Variants in CHSY3 observed in about 807,000 individuals in gnomAD.
CHSY3 encodes the protein N-acetylgalactosaminyl-proteoglycan 3-beta-glucuronosyltransferase 3.
Under a neutral mutation model 67.2 loss-of-function variants are expected in CHSY3, and 35 were observed. The ratio of observed to expected loss-of-function variants is 0.52; its 90% CI spans 0.40 to 0.69. The LOEUF is 0.69. CHSY3 is among the 30% of genes least tolerant of loss of function. CHSY3 has a pLI of 0.00. For synonymous variants in CHSY3, 474 were observed against 434.7 expected (o/e 1.09, Z -1.12); for missense variants, 1,069 against 1,138.5 (o/e 0.94, Z 0.88).
At chr5:129,993,826 C>A (rs2149632464) in intron 2 of CHSY3, among the ~76,000 whole-genome samples, 1 of 151,564 alleles carries the variant, frequency 6.6e-6, no homozygotes, top group South Asian at 2.1e-4. Flanking sequence ...TACAATTTGG[C>A]ATGTTTTTGC....
intron 2 of CHSY3, among the ~76,000 whole-genome samples, chr5:130,023,418 C>T (rs1316148938): frequency 6.6e-6 from 1 of 151,810 alleles, no homozygotes; most frequent in African/African-American, 2.4e-5. Context: ...GGTCAGTTTC[C>T]CAGCTTGCCT....
chr5:130,136,238 C>T (rs1185053648), intron 2 of CHSY3, among the ~76,000 whole-genome samples: 8 of 152,026 alleles, frequency 5.3e-5, no homozygotes, highest in Admixed American at 1.3e-4. Context: ...GAGTGGTTGC[C>T]AGAGGTAGAG....
intron 2 of CHSY3, among the ~76,000 whole-genome samples, chr5:130,067,159 C>G (rs1580700982): frequency 6.6e-6 from 1 of 152,124 alleles, no homozygotes; most frequent in Non-Finnish European, 1.5e-5. Context: ...ACAATTAGGA[C>G]TTTCCAATAA....
chr5:130,007,072 C>G (rs1234477237), intron 2 of CHSY3, among the ~76,000 whole-genome samples: 1 of 152,150 alleles, frequency 6.6e-6, no homozygotes, highest in Non-Finnish European at 1.5e-5. Context: ...TTGAGTAATA[C>G]AATGAAATTT....
Position 130,027,871 on chromosome 5 carries a change from T to C in CHSY3, c.1086+119511T>C, listed in dbSNP as rs572545703. Among the ~76,000 whole-genome samples, 4 of 152,304 alleles carry C rather than the reference T, an allele frequency of 2.6e-5. No homozygotes were observed. In the East Asian group the frequency reaches 7.7e-4, roughly 29 times the overall value. ...CACATTTTCTTAATCCAGTCTATCA[T>C]TGATGGACATTTGGGTTGGTTCCAA... is the stretch of plus-strand genomic sequence containing the variant. On this transcript the variant is annotated intron_variant, in intron 2 of 2. Transcript: ENST00000305031.
chr5:129,934,949 T>A (rs1316959056), intron 2 of CHSY3, among the ~76,000 whole-genome samples: 2 of 152,076 alleles, frequency 1.3e-5, no homozygotes, highest in Non-Finnish European at 2.9e-5. Context: ...AAATAGAAAC[T>A]CTACACTCAC....
chr5:130,019,442 A>G (rs1032014807), intron 2 of CHSY3, among the ~76,000 whole-genome samples: 12 of 151,944 alleles, frequency 7.9e-5, no homozygotes, highest in African/African-American at 1.9e-4. Flanking sequence ...ACCACCACCA[A>G]TTATTTATGT....
chr5:130,020,023 AG>A (rs1230873075), intron 2 of CHSY3, among the ~76,000 whole-genome samples: 1 of 152,146 alleles, frequency 6.6e-6, no homozygotes, highest in Non-Finnish European at 1.5e-5. Flanking sequence ...TACTTTCATG[AG>A]TTATTGACAT....
chr5:130,184,982 G>A lies in CHSY3; in HGVS notation c.1840G>A (p.Gly614Arg), dbSNP rs1250822278. The change falls in exon 3 of 3, where the codon GGA (glycine) becomes AGA (arginine). Residue 614 changes from glycine to arginine, a missense_variant. Coordinates refer to ENST00000305031, the MANE Select transcript of CHSY3 (RefSeq NM_175856.5). ...TTCTTTTCAAGGTGCCAAAGAAATG[G>A]GAGGGCACAATGAAAAGAAAGTACA... Reference protein sequence around the residue: ...LSSFQGAKEMGGHNEKKVHIL... With the variant: ...LSSFQGAKEMRGHNEKKVHIL... 1 of 1,557,698 alleles carries A rather than the reference G, an allele frequency of 6.4e-7. No individual in the cohort carries two copies. Among genetic ancestry groups the A allele is most frequent in the Non-Finnish European group, 8.9e-7 (1 of 1,128,892 alleles).
chr5:129,942,201 G>A (rs913936009), intron 2 of CHSY3, among the ~76,000 whole-genome samples: 1 of 152,124 alleles, frequency 6.6e-6, no homozygotes, highest in African/African-American at 2.4e-5. Context: ...CCTGAAGCCT[G>A]TGACACCCAA....
At chr5:130,031,847 T>A (rs1764711628) in intron 2 of CHSY3, among the ~76,000 whole-genome samples, 2 of 152,128 alleles carry the variant, frequency 1.3e-5, no homozygotes, top group Non-Finnish European at 2.9e-5. Context: ...TATTTTCAGT[T>A]TTAAAAATAA....
intron 2 of CHSY3, chr5:129,974,946 C>T (rs1441129457): frequency 6.6e-6 from 1 of 151,980 alleles, no homozygotes; most frequent in African/African-American, 2.4e-5. Context: ...TGGAAGAGGC[C>T]CTTGGGCCTG....
Position 129,905,253 on chromosome 5 carries a change from G to C in CHSY3, c.424G>C (p.Ala142Pro). 1 of 1,457,418 alleles carries C rather than the reference G, an allele frequency of 6.9e-7. No homozygotes were observed. Among genetic ancestry groups the C allele is most frequent in the Non-Finnish European group, 9.0e-7 (1 of 1,107,538 alleles). The allele number at this position is 1,457,418 out of a possible 1,614,324, so 90.3% of individuals were successfully genotyped here. Reference sequence around the variant, plus strand: ...GCCCGAGGAGGAGGACGGGGGCGCGGCTGGGCAGCGGAGAGACGGCCGGCC... The same window carrying C: ...GCCCGAGGAGGAGGACGGGGGCGCGCCTGGGCAGCGGAGAGACGGCCGGCC... Reference protein sequence around the residue: ...GEPEEEDGGAAGQRRDGRPGS... With the variant: ...GEPEEEDGGAPGQRRDGRPGS... The change falls in exon 1 of 3, where the codon GCT becomes CCT. Residue 142 changes from alanine to proline, a missense_variant. Ala to Pro is a conservative substitution (Grantham distance 27). Around this residue, in one of 5 missense-constraint regions of CHSY3, gnomAD observed 309 missense variants for 262.5 expected, o/e 1.18. Coordinates refer to ENST00000305031, the MANE Select transcript of CHSY3 (RefSeq NM_175856.5).
intron 2 of CHSY3, among the ~76,000 whole-genome samples, chr5:130,020,453 A>T (rs1381300328): frequency 2.3e-3 from 18 of 7,918 alleles, no homozygotes; most frequent in African/African-American, 3.2e-3. Flanking sequence ...ATATATATAT[A>T]TATATATATT....
chr5:129,970,334 G>T (rs965433582), intron 2 of CHSY3, among the ~76,000 whole-genome samples: 1 of 151,590 alleles, frequency 6.6e-6, no homozygotes, highest in Non-Finnish European at 1.5e-5. Context: ...TTATTTGTTC[G>T]ACTTTAGGGA....
intron 2 of CHSY3, among the ~76,000 whole-genome samples, chr5:129,912,746 C>T (rs1338960298): frequency 6.6e-6 from 1 of 152,160 alleles, no homozygotes; most frequent in African/African-American, 2.4e-5. Flanking sequence ...CATGGTCTGA[C>T]CTGTTCAGAA....
At chr5:129,945,912 T>A (rs183582860) in intron 2 of CHSY3, among the ~76,000 whole-genome samples, 23 of 152,304 alleles carry the variant, frequency 1.5e-4, no homozygotes, top group Admixed American at 1.4e-3. Context: ...CTCTTTTTTT[T>A]ATTCTGTAGA....
chr5:130,054,435 T>A (rs1172386436), intron 2 of CHSY3, among the ~76,000 whole-genome samples: 1 of 152,188 alleles, frequency 6.6e-6, no homozygotes, highest in Non-Finnish European at 1.5e-5. Flanking sequence ...ATCTTTAGAA[T>A]CAGGATTCCT....
intron 2 of CHSY3, among the ~76,000 whole-genome samples, chr5:130,020,902 T>A (rs1225425213): frequency 6.6e-6 from 1 of 152,078 alleles, no homozygotes; most frequent in South Asian, 2.1e-4. Flanking sequence ...GTATTTTCAG[T>A]TATTTACGTG....
Sources: allele counts gnomAD v4.1 joint callset (sites outside exome capture counted in the v4.1 genomes callset), GRCh38; gene constraint gnomAD v4.1.1; regional missense constraint gnomAD v4.1.1; transcripts MANE v1.5; gene names NCBI Gene and HGNC (gene_info 2026-07-23, HGNC 2026-07-21).